The following IL1RAPL2 variants were observed in gnomAD, a reference collection of about 807,000 sequenced individuals.
IL1RAPL2 encodes the protein X-linked interleukin-1 receptor accessory protein-like 2.
Under a neutral mutation model 44.1 loss-of-function variants are expected in IL1RAPL2, and 3 were observed. That is an observed-to-expected ratio of 0.07 (90% CI 0.03 to 0.18). The LOEUF (loss-of-function observed/expected upper bound fraction) is 0.18. Ranked by LOEUF, IL1RAPL2 falls within the 10% of genes least tolerant of loss-of-function variation. IL1RAPL2 has a pLI of 1.00. For synonymous variants in IL1RAPL2, 181 were observed against 178.8 expected (o/e 1.01, Z -0.10); for missense variants, 391 against 496.4 (o/e 0.79, Z 2.02).
chrX:105,724,348 C>T (rs1244813551), intron 7 of IL1RAPL2, among the ~76,000 whole-genome samples: 1 of 111,037 alleles, frequency 9.0e-6, no homozygotes, highest in African/African-American at 3.3e-5. Context: ...TCCTGTCTAA[C>T]ATTTTGGAGT....
In IL1RAPL2 at chrX:105,066,107, A is replaced by G. The variant is rs1407128710; in HGVS notation, c.83-129368A>G. On this transcript the variant is annotated intron_variant, in intron 2 of 10. Coordinates refer to ENST00000372582, the MANE Select transcript of IL1RAPL2 (RefSeq NM_017416.2). ...GAAGCAGGCTGAACCTCATTGGCTC[A>G]GAAATGAAAGGCTTTCTGTTTCAAA... Among the ~76,000 whole-genome samples, 6 of 111,330 alleles carry G rather than the reference A, an allele frequency of 5.4e-5. No homozygotes were observed. In the Admixed American group the frequency reaches 5.7e-4, roughly 11 times the overall value.
chrX:104,846,481 A>G (rs1922055118), intron 2 of IL1RAPL2, among the ~76,000 whole-genome samples: 1 of 111,062 alleles, frequency 9.0e-6, no homozygotes, highest in African/African-American at 3.3e-5. Flanking sequence ...TTTGCTGAGA[A>G]TGCTGGTTTC....
rs561166820 is a variant in IL1RAPL2, at chrX:105,350,382, A to C, written c.697+82841A>C. Among the ~76,000 whole-genome samples the C allele has an allele frequency of 2.8e-4, 32 of 112,657 alleles. No homozygotes were observed. In the Middle Eastern group the frequency reaches 0.014, roughly 49 times the overall value. On this transcript the variant is annotated intron_variant, in intron 5 of 10. Transcript: ENST00000372582. Reference sequence around the variant, plus strand: ...TGGAAAGAGAAAAATAAGGACAATGAAGTCAGTGTTCCATAAAATGAAATT... The same window carrying C: ...TGGAAAGAGAAAAATAAGGACAATGCAGTCAGTGTTCCATAAAATGAAATT...
At chrX:105,249,620 T>A (rs1231523365) in intron 4 of IL1RAPL2, among the ~76,000 whole-genome samples, 1 of 110,986 alleles carries the variant, frequency 9.0e-6, no homozygotes, top group Non-Finnish European at 1.9e-5. Context: ...ATATATAACC[T>A]ACTATATACC....
chrX:104,621,976 C>G (rs995334448), intron 1 of IL1RAPL2, among the ~76,000 whole-genome samples: 1 of 111,118 alleles, frequency 9.0e-6, no homozygotes, highest in Admixed American at 9.7e-5. Flanking sequence ...TAAAGACATT[C>G]TGGCTCAGAA....
intron 2 of IL1RAPL2, among the ~76,000 whole-genome samples, chrX:104,985,326 T>C (rs1307055782): frequency 9.0e-6 from 1 of 111,046 alleles, no homozygotes; most frequent in South Asian, 3.8e-4. Flanking sequence ...GGGTCACTTG[T>C]GATCTGCCCG....
At chrX:105,369,406 A>T (rs1032380270) in intron 5 of IL1RAPL2, among the ~76,000 whole-genome samples, 1 of 110,965 alleles carries the variant, frequency 9.0e-6, no homozygotes, top group Non-Finnish European at 1.9e-5. Context: ...CCCAAATTAG[A>T]CAGTGTCAAG....
chrX:105,472,929 C>A (rs2036174786), intron 5 of IL1RAPL2, among the ~76,000 whole-genome samples: 1 of 111,889 alleles, frequency 8.9e-6, no homozygotes, highest in Non-Finnish European at 1.9e-5. Flanking sequence ...AAGATCTCAG[C>A]TTTAAAGCCA....
intron 2 of IL1RAPL2, among the ~76,000 whole-genome samples, chrX:104,676,898 T>C (rs996668857): frequency 3.6e-5 from 4 of 112,213 alleles, no homozygotes; most frequent in African/African-American, 6.5e-5. Context: ...ACATCGGCTC[T>C]TGAGGCTTCT....
At chrX:105,603,099 A>C (rs2037265971) in intron 6 of IL1RAPL2, among the ~76,000 whole-genome samples, 1 of 111,459 alleles carries the variant, frequency 9.0e-6, no homozygotes, top group South Asian at 3.7e-4. Context: ...TAAATAAGAG[A>C]GTAAGAAAGG....
chrX:104,903,760 G>C (rs1370363414), intron 2 of IL1RAPL2, among the ~76,000 whole-genome samples: 2 of 109,706 alleles, frequency 1.8e-5, no homozygotes, highest in Non-Finnish European at 3.8e-5. Flanking sequence ...TGTATTTTTA[G>C]TAGAAGCGGG....
chrX:104,622,066 G>A (rs1929411291), intron 1 of IL1RAPL2, among the ~76,000 whole-genome samples: 2 of 110,155 alleles, frequency 1.8e-5, no homozygotes, highest in Admixed American at 9.8e-5. Context: ...TCTCATGCGA[G>A]AAGTTTTTAT....
intron 2 of IL1RAPL2, among the ~76,000 whole-genome samples, chrX:104,851,761 C>A (rs774853759): frequency 1.3e-4 from 15 of 111,360 alleles, no homozygotes; most frequent in Non-Finnish European, 2.1e-4. Flanking sequence ...CACAGTTCTG[C>A]AGGCTGGCTT....
At chrX:105,405,676 C>T in intron 5 of IL1RAPL2, 3 of 1,067,891 alleles carry the variant, frequency 2.8e-6, no homozygotes, top group Non-Finnish European at 3.9e-6. Context: ...TCCTGAAAGG[C>T]AGCCCTAAGA....
At chrX:105,333,725 CAAAA>C (rs199541756) in intron 5 of IL1RAPL2, among the ~76,000 whole-genome samples, 1,273 of 111,312 alleles carry the variant, frequency 0.011, 15 homozygotes, top group Non-Finnish European at 0.018. Context: ...AGACATTTCT[CAAAA>C]AAAGACATAC....
intron 5 of IL1RAPL2, among the ~76,000 whole-genome samples, chrX:105,416,473 C>G (rs1249786767): frequency 2.7e-5 from 3 of 111,998 alleles, no homozygotes; most frequent in African/African-American, 9.8e-5. Flanking sequence ...CGTCTCTGTC[C>G]TTCAGTATTT....
At chrX:104,988,819 A>G (rs561705816) in intron 2 of IL1RAPL2, among the ~76,000 whole-genome samples, 13 of 111,927 alleles carry the variant, frequency 1.2e-4, no homozygotes, top group African/African-American at 3.6e-4. Context: ...GAATATGGAC[A>G]TGTACCTTTC....
intron 2 of IL1RAPL2, among the ~76,000 whole-genome samples, chrX:105,107,641 C>T (rs2032757009): frequency 9.0e-6 from 1 of 111,598 alleles, no homozygotes; most frequent in Non-Finnish European, 1.9e-5. Flanking sequence ...GGAGGATTCA[C>T]TAGTGGTAGG....
intron 2 of IL1RAPL2, among the ~76,000 whole-genome samples, chrX:105,034,246 G>C (rs147206880): frequency 0.02 from 2,204 of 112,242 alleles, 47 homozygotes; most frequent in African/African-American, 0.068. Flanking sequence ...TCTCCATCCA[G>C]CTTTGTTCTG....
Sources: allele counts gnomAD v4.1 joint callset (sites outside exome capture counted in the v4.1 genomes callset), GRCh38; gene constraint gnomAD v4.1.1; transcripts MANE v1.5; gene names NCBI Gene and HGNC (gene_info 2026-07-23, HGNC 2026-07-21).